Variants in DMD observed in about 807,000 individuals in gnomAD.
DMD encodes the protein dystrophin.
A neutral mutation model predicts 330.1 loss-of-function variants in DMD; 63 were observed. The observed-to-expected ratio is 0.19, with a 90% CI of 0.16 to 0.24. DMD has a LOEUF of 0.24. Among genes scored for constraint, DMD ranks in the 10% least tolerant of loss-of-function variants. DMD has a pLI of 1.00. For synonymous variants in DMD, 1,223 were observed against 959.8 expected (o/e 1.27, Z -5.07); for missense variants, 3,344 against 2,684.1 (o/e 1.25, Z -5.43).
chrX:31,225,150 T>C (rs2046453951), intron 63 of DMD, among the ~76,000 whole-genome samples: 1 of 112,462 alleles, frequency 8.9e-6, no homozygotes, highest in African/African-American at 3.2e-5. Context: ...TAAGGTAAAT[T>C]TTAAGAGTCT....
chrX:32,813,065 T>C (rs751540256), intron 6 of DMD, among the ~76,000 whole-genome samples: 7 of 111,447 alleles, frequency 6.3e-5, no homozygotes, highest in Non-Finnish European at 9.4e-5. Context: ...CTTCCCCATT[T>C]CCTTGGCCAC....
At chrX:33,211,562 T>C (rs777793639), upstream of DMD, 40 of 1,023,814 alleles carry the variant, frequency 3.9e-5, no homozygotes, top group Non-Finnish European at 5.0e-5. Context: ...CAGGATTCTG[T>C]AGAGGCCCCC....
chrX:31,261,224 C>T (rs1027399271), intron 62 of DMD: 3 of 403,875 alleles, frequency 7.4e-6, no homozygotes, highest in Non-Finnish European at 1.3e-5. Context: ...AAGAGAAAAG[C>T]AATATAAACA....
chrX:31,428,063 C>CATG (rs1290608458), intron 60 of DMD, among the ~76,000 whole-genome samples: 2 of 111,946 alleles, frequency 1.8e-5, no homozygotes, highest in Non-Finnish European at 3.8e-5. Flanking sequence ...TTTGCAAGAC[C>CATG]ATGTGCCAGA....
intron 7 of DMD, among the ~76,000 whole-genome samples, chrX:32,783,741 T>G (rs1418540153): frequency 3.6e-5 from 4 of 111,238 alleles, no homozygotes; most frequent in Non-Finnish European, 7.6e-5. Context: ...TATGCAAATA[T>G]GACATCATTT....
chrX:32,629,260 C>T (rs763006380), intron 11 of DMD, among the ~76,000 whole-genome samples: 2 of 111,770 alleles, frequency 1.8e-5, no homozygotes, highest in East Asian at 5.6e-4. Context: ...CTTTATCATT[C>T]TACAATGACC....
intron 44 of DMD, among the ~76,000 whole-genome samples, chrX:31,986,926 C>T (rs2095513508): frequency 8.9e-6 from 1 of 111,941 alleles, no homozygotes. Flanking sequence ...ATCCTGGTAA[C>T]TATGATAGAA....
chrX:32,785,099 C>T (rs966737618), intron 7 of DMD, among the ~76,000 whole-genome samples: 1 of 109,479 alleles, frequency 9.1e-6, no homozygotes, highest in East Asian at 2.9e-4. Context: ...AAAGTAGGGG[C>T]TCCAGAATTT....
intron 1 of DMD, among the ~76,000 whole-genome samples, chrX:33,271,242 A>G (rs1359159545): frequency 9.0e-6 from 1 of 110,841 alleles, no homozygotes; most frequent in Non-Finnish European, 1.9e-5. Context: ...TTTTGGAAAA[A>G]CTAAACTTCC....
chrX:32,763,292 C>T (rs1440017366), intron 7 of DMD, among the ~76,000 whole-genome samples: 1 of 111,925 alleles, frequency 8.9e-6, no homozygotes, highest in Non-Finnish European at 1.9e-5. Context: ...AATATTATCT[C>T]AGGATCTTGA....
intron 39 of DMD, 133 bp downstream of exon 39, chrX:32,345,810 A>G (rs2097761740): frequency 4.8e-6 from 3 of 626,359 alleles, no homozygotes; most frequent in Non-Finnish European, 7.2e-6. Context: ...TAAATAAAGC[A>G]TACACATTGA....
chrX:32,493,084 G>A (rs1283411447), intron 19 of DMD, among the ~76,000 whole-genome samples: 1 of 111,569 alleles, frequency 9.0e-6, no homozygotes, highest in African/African-American at 3.3e-5. Flanking sequence ...TAAGGCCTGT[G>A]GTTTTGCTAA....
intron 59 of DMD, among the ~76,000 whole-genome samples, chrX:31,460,279 C>G (rs747127015): frequency 2.6e-4 from 29 of 111,407 alleles, no homozygotes; most frequent in Admixed American, 1.9e-3. Context: ...CACCTCATCT[C>G]TATTTCTATA....
chrX:31,451,002 A>T (rs768355800), intron 59 of DMD, among the ~76,000 whole-genome samples: 1 of 111,109 alleles, frequency 9.0e-6, no homozygotes, highest in Non-Finnish European at 1.9e-5. Flanking sequence ...AACGAATCTG[A>T]CTGGGGCACC....
chrX:32,077,459 A>C (rs752778966), intron 44 of DMD, among the ~76,000 whole-genome samples: 4 of 112,009 alleles, frequency 3.6e-5, no homozygotes, highest in African/African-American at 9.7e-5. Flanking sequence ...GTGATAAAAT[A>C]GAATATAAGA....
chrX:31,849,563 G>A (rs1569477668), intron 48 of DMD, among the ~76,000 whole-genome samples: 1 of 110,599 alleles, frequency 9.0e-6, no homozygotes, highest in Admixed American at 9.7e-5. Flanking sequence ...ATCACGTAGG[G>A]GAATGGGAAG....
intron 62 of DMD, among the ~76,000 whole-genome samples, chrX:31,322,435 T>G (rs5927719): frequency 0.46 from 50,500 of 110,768 alleles, 9,228 homozygotes; most frequent in African/African-American, 0.69. Context: ...ATTAAATTCA[T>G]AAAATATGAA....
chrX:33,186,540 T>C (rs1470539355), intron 1 of DMD, among the ~76,000 whole-genome samples: 1 of 111,258 alleles, frequency 9.0e-6, no homozygotes, highest in Admixed American at 9.6e-5. Context: ...CTGGATAATA[T>C]TAGTCCAGGA....
At chrX:32,327,560 T>C (rs1017317306) in intron 41 of DMD, among the ~76,000 whole-genome samples, 9 of 111,691 alleles carry the variant, frequency 8.1e-5, no homozygotes, top group African/African-American at 2.9e-4. Context: ...CATTTTTCTC[T>C]TACCAAAGAT....
Sources: allele counts gnomAD v4.1 joint callset (sites outside exome capture counted in the v4.1 genomes callset), GRCh38; gene constraint gnomAD v4.1.1; transcripts MANE v1.5; gene names NCBI Gene and HGNC (gene_info 2026-07-23, HGNC 2026-07-21).